ESCO1: variants seen among roughly 807,000 people sequenced by gnomAD.
The protein encoded by ESCO1 is N-acetyltransferase ESCO1.
In ESCO1, 33 loss-of-function variants were observed where a neutral mutation model predicts 83.5. The observed-to-expected ratio is 0.40, with a 90% confidence interval of 0.30 to 0.53. ESCO1 has a LOEUF of 0.53. ESCO1 is among the 20% of genes least tolerant of loss of function. ESCO1 has a pLI of 0.63. For synonymous variants in ESCO1, 332 were observed against 324.3 expected (o/e 1.02, Z -0.25); for missense variants, 855 against 968.0 (o/e 0.88, Z 1.55).
intron 8 of ESCO1, among the ~76,000 whole-genome samples, chr18:21,555,738 A>G (rs1374597461): frequency 6.6e-6 from 1 of 151,586 alleles, no homozygotes; most frequent in African/African-American, 2.4e-5. Context: ...GGAGGTTGAG[A>G]CTGCAGTAAG....
chr18:21,567,978 A>C lies in ESCO1; in HGVS notation c.1645+2T>G. ...ATCCAAATAATATTTCCAAAGTATT[A>C]CCTGGAAATTTATTCTCTCCTGTAT... On this transcript the variant is annotated splice_donor_variant, in intron 5 of 11. Transcript: ENST00000269214. LOFTEE classifies it high-confidence loss of function. 1 of 1,601,358 alleles carries C rather than the reference A, an allele frequency of 6.2e-7. No individual in the cohort carries two copies. The highest frequency in any genetic ancestry group is 8.5e-7 in the Non-Finnish European group (1 of 1,171,870).
intron 2 of ESCO1, among the ~76,000 whole-genome samples, chr18:21,577,919 A>G (rs2038442683): frequency 6.6e-6 from 1 of 152,208 alleles, no homozygotes; most frequent in Non-Finnish European, 1.5e-5. Flanking sequence ...AGCCAAGCCT[A>G]TACCTTCTAC....
rs763582548 is a variant in ESCO1, at chr18:21,573,876, T to C, written c.968A>G (p.Lys323Arg). 4 of 1,614,072 alleles carry C rather than the reference T, an allele frequency of 2.5e-6. No homozygotes were observed. In the South Asian group the frequency reaches 3.3e-5, roughly 13 times the overall value. Residue 323 changes from lysine (K) to arginine (R), a missense_variant, in exon 4 of 12, where the codon AAG (lysine) becomes AGG (arginine). This residue lies in a region of ESCO1 where 726 missense variants were observed against 699.5 expected (regional missense o/e 1.04). Transcript: ENST00000269214. ...EIESDNVEVK[K>R]ESSQMESVKE... ...TACACTTTCCATTTGTGAAGATTCC[T>C]TTTTTACCTCTACATTATCTGACTC...
chr18:21,547,128 C>T (rs1173494736), intron 8 of ESCO1, among the ~76,000 whole-genome samples: 2 of 152,150 alleles, frequency 1.3e-5, no homozygotes, highest in African/African-American at 2.4e-5. Flanking sequence ...TATGTCCTTG[C>T]TCTATGCTCT....
intron 10 of ESCO1, among the ~76,000 whole-genome samples, chr18:21,533,648 A>G (rs1001634726): frequency 6.6e-6 from 1 of 152,182 alleles, no homozygotes; most frequent in Non-Finnish European, 1.5e-5. Flanking sequence ...CAAACATTAC[A>G]TAGTTATCCT....
chr18:21,586,222 C>A (rs2038574075), intron 1 of ESCO1, among the ~76,000 whole-genome samples: 1 of 152,218 alleles, frequency 6.6e-6, no homozygotes, highest in South Asian at 2.1e-4. Context: ...CACTATGCTA[C>A]TCTCTACCTC....
intron 1 of ESCO1, among the ~76,000 whole-genome samples, chr18:21,599,500 C>T (rs1449607823): frequency 6.6e-6 from 1 of 152,110 alleles, no homozygotes; most frequent in African/African-American, 2.4e-5. Context: ...TTAAAAAAGC[C>T]AATGCTGGTG....
chr18:21,562,274 A>C (rs192747241), intron 7 of ESCO1, among the ~76,000 whole-genome samples: 1 of 152,126 alleles, frequency 6.6e-6, no homozygotes, highest in East Asian at 2.0e-4. Context: ...TCAGGAGTTC[A>C]AGACCAGCCT....
At position 21,566,142 on chromosome 18, in the gene ESCO1, T is replaced by G; in HGVS notation, c.1706+4A>C. 6.2e-7 allele frequency: 1 copy of G among 1,611,550 alleles called. No homozygotes were observed. The highest frequency in any genetic ancestry group is 8.5e-7 in the Non-Finnish European group (1 of 1,178,814). ...TAAGCTCTAAAATTTAATTAATAGC[T>G]TACCTGTTATCACTGCTTTTAGATG... is the stretch of plus-strand genomic sequence containing the variant. On this transcript the variant is annotated splice_donor_region_variant and intron_variant, in intron 6 of 11. Coordinates refer to ENST00000269214, the MANE Select transcript of ESCO1 (RefSeq NM_052911.3).
At chr18:21,576,484 A>G (rs1182904981) in intron 2 of ESCO1, among the ~76,000 whole-genome samples, 1 of 152,190 alleles carries the variant, frequency 6.6e-6, no homozygotes, top group African/African-American at 2.4e-5. Context: ...ACCTGGACAA[A>G]AGAGTGAGAC....
intron 1 of ESCO1, among the ~76,000 whole-genome samples, chr18:21,595,911 C>G (rs949096896): frequency 6.6e-6 from 1 of 151,788 alleles, no homozygotes; most frequent in Non-Finnish European, 1.5e-5. Context: ...TTGCAGTGAG[C>G]GGAGATCACG....
chr18:21,579,798 A>AGG (rs2038474271), intron 2 of ESCO1, among the ~76,000 whole-genome samples: 2 of 28,410 alleles, frequency 7.0e-5, no homozygotes, highest in Admixed American at 3.0e-4. Context: ...GCGCGCGCAC[A>AGG]CACACACACA....
Position 21,595,494 on chromosome 18 carries a change from C to T in ESCO1, c.-825+5129G>A, listed in dbSNP as rs553695760. Among the ~76,000 whole-genome samples, 4 of 149,630 alleles carry T rather than the reference C, an allele frequency of 2.7e-5. No homozygotes were observed. The South Asian group carries it at 8.5e-4, about 32-fold the overall frequency. ...ACCATCCTGGCTAACACAGTGAAAC[C>T]CCGTCTCTACTAAAAATACAAAAAA... On this transcript the variant is annotated intron_variant, in intron 1 of 11. Coordinates refer to ENST00000269214, the MANE Select transcript of ESCO1 (RefSeq NM_052911.3).
Position 21,574,971 on chromosome 18 carries a change from G to T in ESCO1, c.-128C>A. 1 of 647,356 alleles carries T rather than the reference G, an allele frequency of 1.5e-6. No homozygotes were observed. Among genetic ancestry groups the T allele is most frequent in the Non-Finnish European group, 2.5e-6 (1 of 405,088 alleles). 40.1% of individuals were successfully genotyped at this position (647,356 alleles called of 1,614,324 possible). ...TGAAAAATCAACTTTAACTGATGCT[G>T]ATATACATTTTCAACAAAAATACTA... On this transcript the variant is annotated 5_prime_UTR_variant, in exon 4 of 12. Coordinates refer to ENST00000269214, the MANE Select transcript of ESCO1 (RefSeq NM_052911.3).
chr18:21,540,233 A>G (rs2037888669), intron 8 of ESCO1, among the ~76,000 whole-genome samples: 1 of 152,184 alleles, frequency 6.6e-6, no homozygotes, highest in Admixed American at 6.6e-5. Flanking sequence ...CTACTCATTC[A>G]GAGATATATC....
rs1405703625 is a variant in ESCO1, at chr18:21,536,148, C to A, written c.2081G>T (p.Gly694Val). The A allele has an allele frequency of 1.2e-6, 2 of 1,613,872 alleles. No homozygotes were observed. Among genetic ancestry groups the A allele is most frequent in the South Asian group, 2.2e-5 (2 of 90,990 alleles). Residue 694 changes from glycine to valine, a missense_variant, in exon 10 of 12, where the codon GGT (glycine) becomes GTT (valine). Gly to Val is a moderately radical substitution (Grantham distance 109). Transcript: ENST00000269214. ...EIREMVDNDL[G>V]FQQAPLMCYS... ...GCACATTAGTGGAGCCTGTTGAAAACCTAAATCATTGTCAACCATCTCTCT... is the reference window on the plus strand; with the variant it reads ...GCACATTAGTGGAGCCTGTTGAAAAACTAAATCATTGTCAACCATCTCTCT...
intron 8 of ESCO1, chr18:21,540,805 G>A (rs1461394077): frequency 2.0e-6 from 2 of 990,040 alleles, no homozygotes; most frequent in Non-Finnish European, 2.5e-6. Flanking sequence ...AAGTACAGAA[G>A]GAATGAGCTT....
At chr18:21,575,582 T>G (rs1436990036) in intron 3 of ESCO1, 90 bp downstream of exon 3, 1 of 398,152 alleles carries the variant, frequency 2.5e-6, no homozygotes, top group Non-Finnish European at 4.4e-6. Context: ...GAACGAAGTA[T>G]CCCAAGTATA....
At chr18:21,585,547 C>T (rs1225856003) in intron 1 of ESCO1, among the ~76,000 whole-genome samples, 2 of 152,070 alleles carry the variant, frequency 1.3e-5, no homozygotes, top group Non-Finnish European at 2.9e-5. Context: ...GATCTTATAC[C>T]AGGACTACAC....
Sources: allele counts gnomAD v4.1 joint callset (sites outside exome capture counted in the v4.1 genomes callset), GRCh38; gene constraint gnomAD v4.1.1; regional missense constraint gnomAD v4.1.1; transcripts MANE v1.5; gene names NCBI Gene and HGNC (gene_info 2026-07-23, HGNC 2026-07-21).